KLF12: variants seen among roughly 807,000 people sequenced by gnomAD.
KLF12 encodes KLF transcription factor 12, also known as Krueppel-like factor 12.
KLF12 carries 9 observed loss-of-function variants against 37.8 expected under a neutral mutation model. That is an observed-to-expected ratio of 0.24 (90% CI 0.14 to 0.42). The LOEUF (loss-of-function observed/expected upper bound fraction) is 0.42. Among genes scored for constraint, KLF12 ranks in the 10% least tolerant of loss-of-function variants. The pLI, the probability that KLF12 is intolerant of heterozygous loss-of-function variation, is 1.00. For synonymous variants in KLF12, 208 were observed against 202.1 expected (o/e 1.03, Z -0.25); for missense variants, 411 against 516.0 (o/e 0.80, Z 1.97).
intron 3 of KLF12, among the ~76,000 whole-genome samples, chr13:73,912,372 A>C (rs1888609574): frequency 1.3e-5 from 2 of 152,154 alleles, no homozygotes; most frequent in Admixed American, 6.5e-5. Flanking sequence ...GTACCTCTGA[A>C]TGTGATTTTA....
At chr13:74,066,558 G>T (rs1159001326) in intron 1 of KLF12, among the ~76,000 whole-genome samples, 1 of 152,146 alleles carries the variant, frequency 6.6e-6, no homozygotes, top group African/African-American at 2.4e-5. Flanking sequence ...GGAGGCTAAG[G>T]TGGGAGAACG....
chr13:74,134,209 ACCC>A (rs1220776833), upstream of KLF12, among the ~76,000 whole-genome samples: 2 of 149,612 alleles, frequency 1.3e-5, no homozygotes, highest in African/African-American at 4.9e-5. Context: ...AAAACAAGAA[ACCC>A]CCAAACAAAA....
chr13:74,094,801 C>T (rs1233511063), intron 1 of KLF12, among the ~76,000 whole-genome samples: 4 of 151,936 alleles, frequency 2.6e-5, no homozygotes, highest in Non-Finnish European at 5.9e-5. Context: ...GGTTTCGCCA[C>T]GTTGGCCAGG....
the KLF12 span, among the ~76,000 whole-genome samples, chr13:74,295,207 T>C: frequency 6.6e-6 from 1 of 152,176 alleles, no homozygotes; most frequent in African/African-American, 2.4e-5. Context: ...AGATGTTCGA[T>C]AGCTTAATTA....
chr13:73,983,068 C>A (rs1566492986), intron 2 of KLF12, among the ~76,000 whole-genome samples: 1 of 152,098 alleles, frequency 6.6e-6, no homozygotes, highest in African/African-American at 2.4e-5. Context: ...TTGAAAAGAT[C>A]TCTATAAGGC....
At chr13:73,762,699 G>C (rs1340458069) in intron 6 of KLF12, among the ~76,000 whole-genome samples, 1 of 152,094 alleles carries the variant, frequency 6.6e-6, no homozygotes, top group African/African-American at 2.4e-5. Flanking sequence ...TGATAGATGG[G>C]GGACAGCAAC....
At chr13:74,096,482 GATGTACACT>G (rs1566210187) in intron 1 of KLF12, among the ~76,000 whole-genome samples, 1 of 152,166 alleles carries the variant, frequency 6.6e-6, no homozygotes, top group East Asian at 1.9e-4. Flanking sequence ...TACTATGCAA[GATGTACACT>G]AAATAAAATG....
intron 4 of KLF12, among the ~76,000 whole-genome samples, chr13:73,840,103 G>A (rs1290802885): frequency 1.3e-5 from 2 of 152,066 alleles, no homozygotes; most frequent in South Asian, 2.1e-4. Flanking sequence ...CAGTGTCAAC[G>A]ATGAACACTC....
chr13:74,171,646 A>T, the KLF12 span, among the ~76,000 whole-genome samples: 1 of 152,230 alleles, frequency 6.6e-6, no homozygotes, highest in African/African-American at 2.4e-5. Flanking sequence ...ATCATTACAT[A>T]TTCACAATAA....
At chr13:73,762,188 T>C (rs1879608463) in intron 6 of KLF12, among the ~76,000 whole-genome samples, 1 of 152,206 alleles carries the variant, frequency 6.6e-6, no homozygotes, top group Non-Finnish European at 1.5e-5. Context: ...TTGGGCCTCT[T>C]AGGCCCTGGC....
At chr13:74,113,423 T>C (rs1019222460) in intron 1 of KLF12, among the ~76,000 whole-genome samples, 5 of 152,210 alleles carry the variant, frequency 3.3e-5, no homozygotes, top group African/African-American at 1.2e-4. Flanking sequence ...TAGGGAATAA[T>C]GTATCTGGTG....
chr13:73,739,265 TAATAATA>T (rs1182281258), intron 6 of KLF12, among the ~76,000 whole-genome samples: 2 of 149,672 alleles, frequency 1.3e-5, no homozygotes, highest in Non-Finnish European at 3.0e-5. Flanking sequence ...ATAATAATAA[TAATAATA>T]ATAAATGTAC....
chr13:73,706,663 C>A (rs1417907918), intron 7 of KLF12, among the ~76,000 whole-genome samples: 2 of 152,162 alleles, frequency 1.3e-5, no homozygotes, highest in Admixed American at 1.3e-4. Flanking sequence ...CTTGCTGCAT[C>A]CCCCCAGTCA....
intron 7 of KLF12, 137 bp from the exon 8 acceptor site, chr13:73,695,808 T>A (rs1874104695): frequency 2.5e-6 from 2 of 794,650 alleles, no homozygotes; most frequent in Admixed American, 4.9e-5. Context: ...AACCTTACCA[T>A]CCCACCAGCG....
intron 3 of KLF12, among the ~76,000 whole-genome samples, chr13:73,890,165 A>C (rs1367195933): frequency 6.6e-6 from 1 of 151,974 alleles, no homozygotes; most frequent in African/African-American, 2.4e-5. Flanking sequence ...ATTTCCTCTG[A>C]TTTTCTCCCA....
intron 1 of KLF12, among the ~76,000 whole-genome samples, chr13:74,010,364 C>G (rs1288627692): frequency 6.6e-6 from 1 of 152,166 alleles, no homozygotes; most frequent in Non-Finnish European, 1.5e-5. Flanking sequence ...TTGGTAAGAC[C>G]ACGAACAATA....
intron 5 of KLF12, among the ~76,000 whole-genome samples, chr13:73,803,099 G>A (rs1394721652): frequency 6.6e-6 from 1 of 152,198 alleles, no homozygotes; most frequent in Admixed American, 6.5e-5. Flanking sequence ...GGTTAGACAA[G>A]TATTTACAGA....
the KLF12 span, chr13:74,231,634 G>A: frequency 6.6e-6 from 1 of 152,106 alleles, no homozygotes; most frequent in African/African-American, 2.4e-5. Flanking sequence ...GTTGTCTTTG[G>A]AAATATCTTC....
chr13:74,291,829 G>A, the KLF12 span, among the ~76,000 whole-genome samples: 1 of 152,130 alleles, frequency 6.6e-6, no homozygotes. Flanking sequence ...CAGATATTTT[G>A]GGCACCCATA....
Sources: allele counts gnomAD v4.1 joint callset (sites outside exome capture counted in the v4.1 genomes callset), GRCh38; gene constraint gnomAD v4.1.1; transcripts MANE v1.5; gene names NCBI Gene and HGNC (gene_info 2026-07-23, HGNC 2026-07-21).